The following FOXP3 variants were observed in gnomAD, a reference collection of about 807,000 sequenced individuals.
FOXP3 encodes the protein forkhead box protein P3.
Under a neutral mutation model 31.2 loss-of-function variants are expected in FOXP3, and 5 were observed. The ratio of observed to expected loss-of-function variants is 0.16; its 90% confidence interval spans 0.08 to 0.34. The LOEUF (loss-of-function observed/expected upper bound fraction) is 0.34. Ranked by LOEUF, FOXP3 falls within the 10% of genes least tolerant of loss-of-function variation. The pLI, the probability that FOXP3 is intolerant of heterozygous loss-of-function variation, is 1.00. For missense variants in FOXP3, 251 were observed against 363.0 expected (o/e 0.69, Z 2.51); for synonymous variants, 141 against 148.8 (o/e 0.95, Z 0.38).
Position 49,251,102 on chromosome X carries a change from TG to T in FOXP3, c.*231del. The T allele has an allele frequency of 6.3e-6, 2 of 316,968 alleles. No individual in the cohort carries two copies. The highest frequency in any genetic ancestry group is 4.5e-5 in the East Asian group (1 of 22,366). The allele number at this position is 316,968 out of a possible 1,213,427, so 26.1% of individuals were successfully genotyped here. ...CTGGGGGGTGTGTCTGGGGCGGAGG[TG>T]GGGGCTGGGGCCAGGACCGGGGCCC... On this transcript the variant is annotated 3_prime_UTR_variant, in exon 12 of 12. Transcript: ENST00000376207.
At chrX:49,264,579 CCT>C (rs1384296795) in intron 1 of FOXP3, 80 bp downstream of exon 1, 1 of 601,552 alleles carries the variant, frequency 1.7e-6, no homozygotes, top group Non-Finnish European at 2.0e-6. Context: ...CCAGAGGGCC[CCT>C]GACCCCCCCG....
At position 49,255,822 on chromosome X, in the gene FOXP3, C is replaced by T. The variant is rs2232368; in HGVS notation, c.648-20G>A. 22,084 of 1,177,354 alleles carry T rather than the reference C, an allele frequency of 0.019. 244 individuals are homozygous for T. Among genetic ancestry groups the T allele is most frequent in the Admixed American group, 0.074 (3,252 of 44,036 alleles). ...CAGTGCCTAAGTAGGGAGAAGATTC[C>T]ATGCAGGTGACCACGACAGGCCTGG... On this transcript the variant is annotated intron_variant, in intron 6 of 11. Transcript: ENST00000376207.
chrX:49,259,094 G>C (rs2066094875), intron 1 of FOXP3: 6 of 510,026 alleles, frequency 1.2e-5, no homozygotes, highest in Non-Finnish European at 2.2e-5. Context: ...GCGAGAAGTG[G>C]GTAGATTCTG....
intron 1 of FOXP3, among the ~76,000 whole-genome samples, chrX:49,259,952 G>C (rs1393789613): frequency 9.0e-6 from 1 of 111,721 alleles, no homozygotes; most frequent in African/African-American, 3.3e-5. Context: ...AGTATAGAAG[G>C]GTTCTGGGGG....
intron 8 of FOXP3, 83 bp downstream of exon 8, chrX:49,255,346 G>A (rs2066062520): frequency 1.0e-6 from 1 of 965,349 alleles, no homozygotes; most frequent in Middle Eastern, 3.1e-4. Flanking sequence ...CTGAATGTGA[G>A]GTTAGGTTCC....
intron 11 of FOXP3, 90 bp from the exon 12 acceptor site, chrX:49,251,573 T>C: frequency 1.7e-6 from 2 of 1,209,505 alleles, no homozygotes; most frequent in South Asian, 1.8e-5. Flanking sequence ...TCCTCCCCAA[T>C]GTGCCTATGA....
chrX:49,262,323 A>G (rs2066115538), intron 1 of FOXP3, among the ~76,000 whole-genome samples: 1 of 112,675 alleles, frequency 8.9e-6, no homozygotes, highest in African/African-American at 3.2e-5. Context: ...CTGGTATAAG[A>G]ACAGATACTG....
At chrX:49,262,079 A>G (rs1189415680) in intron 1 of FOXP3, among the ~76,000 whole-genome samples, 3 of 112,312 alleles carry the variant, frequency 2.7e-5, no homozygotes, top group African/African-American at 9.7e-5. Flanking sequence ...AGAGCGAGCA[A>G]GAGAGAACAA....
rs1014470491 is a variant in FOXP3, at chrX:49,264,638, T to C, written c.-23+23A>G. The C allele has an allele frequency of 5.4e-6, 4 of 746,094 alleles. No individual in the cohort carries two copies. The African/African-American group carries it at 9.3e-5, about 17-fold the overall frequency. The allele number at this position is 746,094 out of a possible 1,213,427, so 61.5% of individuals were successfully genotyped here. On this transcript the variant is annotated intron_variant, in intron 1 of 11. Coordinates refer to ENST00000376207, the MANE Select transcript of FOXP3 (RefSeq NM_014009.4). ...CTCCTCCAATGGGGCCCACATCTGG[T>C]AGGGGAGAGCAGGGACACTCACCTT...
chrX:49,263,397 G>A lies in FOXP3; in HGVS notation c.-23+1264C>T, dbSNP rs782787793. 5.4e-5 allele frequency among the ~76,000 whole-genome samples: 6 copies of A among 111,424 alleles called. No individual in the cohort carries two copies. The East Asian group carries it at 8.4e-4, about 16-fold the overall frequency. ...AGGGTCATAAACTTTAAAAATGCACGCCCCCTTTGCCCCAGCAACTCCCTT... is the reference window on the plus strand; with the variant it reads ...AGGGTCATAAACTTTAAAAATGCACACCCCCTTTGCCCCAGCAACTCCCTT... On this transcript the variant is annotated intron_variant, in intron 1 of 11. Coordinates refer to ENST00000376207, the MANE Select transcript of FOXP3 (RefSeq NM_014009.4).
At position 49,257,736 on chromosome X, in the gene FOXP3, G is replaced by A; in HGVS notation, c.243C>T (p.Pro81=). ...LPTLPLVMVA[P]SGARLGPLPH... ...GCAAGGGGCCCAGCCGTGCCCCGGA[G>A]GGTGCCACCATGACTAGGGGCAGTG... Residue 81 remains proline, a synonymous_variant, in exon 3 of 12, where the codon CCC becomes CCT. Transcript: ENST00000376207. 8.5e-7 allele frequency: 1 copy of A among 1,174,796 alleles called. No individual in the cohort carries two copies. Among genetic ancestry groups the A allele is most frequent in the African/African-American group, 1.8e-5 (1 of 57,076 alleles).
chrX:49,251,614 G>T (rs1227672557), intron 11 of FOXP3, 50 bp downstream of exon 11: 4 of 1,207,418 alleles, frequency 3.3e-6, no homozygotes, highest in Middle Eastern at 2.3e-4. Flanking sequence ...ACTTTGAGCT[G>T]CGATGGCACT....
At chrX:49,253,748 C>G (rs782002546) in intron 9 of FOXP3, among the ~76,000 whole-genome samples, 169 bp downstream of exon 9, 2 of 111,627 alleles carry the variant, frequency 1.8e-5, no homozygotes, top group Non-Finnish European at 3.8e-5. Flanking sequence ...ACGGACATCC[C>G]GAAAGGAAGC....
chrX:49,253,077 C>G, intron 10 of FOXP3, 49 bp downstream of exon 10: 1 of 1,111,286 alleles, frequency 9.0e-7, no homozygotes, highest in Non-Finnish European at 1.2e-6. Context: ...GCAGGTCCCC[C>G]ACCCCATCTT....
At chrX:49,254,186 C>T (rs1557115987) in intron 8 of FOXP3, 119 bp from the exon 9 acceptor site, 3 of 875,276 alleles carry the variant, frequency 3.4e-6, no homozygotes, top group South Asian at 5.2e-5. Flanking sequence ...GGCTGGAGTG[C>T]AGTGGTGCAA....
At chrX:49,251,958 G>A (rs1325380879) in intron 10 of FOXP3, 193 bp from the exon 11 acceptor site, 4 of 721,007 alleles carry the variant, frequency 5.5e-6, no homozygotes, top group South Asian at 7.2e-5. Flanking sequence ...GTTGGGCAGG[G>A]TTAGATGGGT....
intron 8 of FOXP3, among the ~76,000 whole-genome samples, chrX:49,254,674 G>A (rs931889338): frequency 1.8e-5 from 2 of 111,471 alleles, no homozygotes; most frequent in Non-Finnish European, 1.9e-5. Context: ...CTGTACATTC[G>A]CATCATGAGA....
chrX:49,261,067 T>C (rs1314458736), intron 1 of FOXP3, among the ~76,000 whole-genome samples: 3 of 112,453 alleles, frequency 2.7e-5, no homozygotes, highest in African/African-American at 9.7e-5. Context: ...GCTCCACAGA[T>C]ACTGGGACCC....
Position 49,251,301 on chromosome X carries a change from T to C in FOXP3, c.*33A>G. On this transcript the variant is annotated 3_prime_UTR_variant, in exon 12 of 12. Transcript: ENST00000376207. ...CTCTGCCTCCCACCAGTTTGGCCCCTGTTCGTCCATCCTCCTTTCCTTGAT... is the reference window on the plus strand; with the variant it reads ...CTCTGCCTCCCACCAGTTTGGCCCCCGTTCGTCCATCCTCCTTTCCTTGAT... 1.7e-6 allele frequency: 2 copies of C among 1,199,750 alleles called. No individual in the cohort carries two copies. The highest frequency in any genetic ancestry group is 3.6e-5 in the South Asian group (2 of 55,440).
Sources: gnomAD v4.1 joint callset for allele counts (sites outside exome capture counted in the v4.1 genomes callset) on GRCh38, gnomAD v4.1.1 for gene constraint, MANE v1.5 for transcripts, NCBI Gene and HGNC (gene_info 2026-07-23, HGNC 2026-07-21) for gene names.